Variants in SLC24A2 observed in about 807,000 individuals in gnomAD.
SLC24A2 encodes solute carrier family 24 member 2, also known as sodium/potassium/calcium exchanger 2.
SLC24A2 carries 36 observed loss-of-function variants against 62.0 expected under a neutral mutation model. The observed-to-expected ratio is 0.58, with a 90% CI of 0.44 to 0.77. The LOEUF is 0.77. Among genes scored for constraint, SLC24A2 ranks in the 30% least tolerant of loss-of-function variants. The pLI, the probability that SLC24A2 is intolerant of heterozygous loss-of-function variation, is 0.00. For missense variants in SLC24A2, 846 were observed against 817.9 expected (o/e 1.03, Z -0.42); for synonymous variants, 358 against 294.0 (o/e 1.22, Z -2.23).
chr9:20,000,706 C>G, the SLC24A2 span, among the ~76,000 whole-genome samples: 2 of 152,076 alleles, frequency 1.3e-5, no homozygotes, highest in South Asian at 4.2e-4. Flanking sequence ...TTTTAAGGCT[C>G]TGATTTTGAA....
At chr9:19,656,608 T>C (rs1003791347) in intron 2 of SLC24A2, among the ~76,000 whole-genome samples, 2 of 152,208 alleles carry the variant, frequency 1.3e-5, no homozygotes, top group Non-Finnish European at 2.9e-5. Context: ...AATTCCTATG[T>C]TTTTATCCCC....
intron 2 of SLC24A2, among the ~76,000 whole-genome samples, chr9:19,772,221 C>T (rs1443156484): frequency 1.3e-5 from 2 of 152,290 alleles, no homozygotes; most frequent in East Asian, 3.9e-4. Context: ...TCAGGAAGTC[C>T]TGGGCCCCAA....
At chr9:20,235,634 C>G in the SLC24A2 span, among the ~76,000 whole-genome samples, 1 of 152,210 alleles carries the variant, frequency 6.6e-6, no homozygotes, top group South Asian at 2.1e-4. Flanking sequence ...TCTGTCACCC[C>G]TTTCTTTTAC....
chr9:20,224,409 C>T, the SLC24A2 span, among the ~76,000 whole-genome samples: 1 of 151,784 alleles, frequency 6.6e-6, no homozygotes, highest in Non-Finnish European at 1.5e-5. Context: ...CCAATCATAA[C>T]CATAAGTTTG....
chr9:20,257,264 T>G, the SLC24A2 span, among the ~76,000 whole-genome samples: 1 of 152,180 alleles, frequency 6.6e-6, no homozygotes, highest in African/African-American at 2.4e-5. Flanking sequence ...TAAAAAATAT[T>G]TTTTAAGGCT....
At chr9:20,079,374 T>A in the SLC24A2 span, among the ~76,000 whole-genome samples, 2 of 152,212 alleles carry the variant, frequency 1.3e-5, no homozygotes, top group African/African-American at 4.8e-5. Flanking sequence ...AATGTAAACA[T>A]ACACAGTTTT....
intron 2 of SLC24A2, among the ~76,000 whole-genome samples, chr9:19,780,336 T>C (rs973481334): frequency 1.3e-5 from 2 of 151,146 alleles, no homozygotes; most frequent in African/African-American, 4.8e-5. Flanking sequence ...GGCACGATCT[T>C]GGCTCACTGC....
At chr9:20,267,230 C>G in the SLC24A2 span, among the ~76,000 whole-genome samples, 1 of 152,184 alleles carries the variant, frequency 6.6e-6, no homozygotes, top group South Asian at 2.1e-4. Flanking sequence ...TCTTTAATCA[C>G]AAAGATATTT....
chr9:20,050,193 T>C, the SLC24A2 span, among the ~76,000 whole-genome samples: 3 of 87,584 alleles, frequency 3.4e-5, no homozygotes, highest in African/African-American at 1.4e-4. Flanking sequence ...CAGTGTAAAA[T>C]AAATGAAACC....
chr9:19,741,551 T>C (rs1821679043), intron 2 of SLC24A2, among the ~76,000 whole-genome samples: 1 of 152,188 alleles, frequency 6.6e-6, no homozygotes, highest in African/African-American at 2.4e-5. Flanking sequence ...CTTTTCTCTT[T>C]GACCCTCCAG....
chr9:19,542,908 G>A (rs1317715652), intron 8 of SLC24A2, among the ~76,000 whole-genome samples: 3 of 152,064 alleles, frequency 2.0e-5, no homozygotes, highest in African/African-American at 7.2e-5. Flanking sequence ...TTTTTTTGTT[G>A]TGTCTCTGGC....
At chr9:19,662,300 C>T (rs1819124209) in intron 2 of SLC24A2, among the ~76,000 whole-genome samples, 1 of 152,106 alleles carries the variant, frequency 6.6e-6, no homozygotes, top group Admixed American at 6.5e-5. Context: ...TTTCTGAAAA[C>T]CAGAGTGTGT....
chr9:19,791,149 G>T (rs1482544763), upstream of SLC24A2, among the ~76,000 whole-genome samples: 1 of 152,176 alleles, frequency 6.6e-6, no homozygotes, highest in Admixed American at 6.5e-5. Flanking sequence ...ATGCTATCTG[G>T]GAACCCAGAT....
intron 4 of SLC24A2, among the ~76,000 whole-genome samples, chr9:19,604,757 C>T (rs1836936405): frequency 6.6e-6 from 1 of 152,140 alleles, no homozygotes; most frequent in Non-Finnish European, 1.5e-5. Flanking sequence ...GACTGGAAGA[C>T]ATAAAATTAA....
At chr9:20,200,907 G>A in the SLC24A2 span, among the ~76,000 whole-genome samples, 9 of 152,188 alleles carry the variant, frequency 5.9e-5, no homozygotes, top group Non-Finnish European at 8.8e-5. Context: ...CACAAGTGTG[G>A]TAGTTTTGTT....
At chr9:19,772,372 A>G (rs1041901763) in intron 2 of SLC24A2, among the ~76,000 whole-genome samples, 3 of 152,232 alleles carry the variant, frequency 2.0e-5, no homozygotes, top group African/African-American at 4.8e-5. Flanking sequence ...AAAACAAGAT[A>G]GAACAGCTTG....
At chr9:19,707,467 ACC>A (rs1820567586) in intron 2 of SLC24A2, among the ~76,000 whole-genome samples, 1 of 152,220 alleles carries the variant, frequency 6.6e-6, no homozygotes, top group Non-Finnish European at 1.5e-5. Flanking sequence ...AGAATTTTAG[ACC>A]AGTATCCTTG....
At chr9:20,069,726 T>C in the SLC24A2 span, among the ~76,000 whole-genome samples, 1 of 152,258 alleles carries the variant, frequency 6.6e-6, no homozygotes, top group Non-Finnish European at 1.5e-5. Context: ...AACGGCACTA[T>C]GCTGTTCGCA....
the SLC24A2 span, among the ~76,000 whole-genome samples, chr9:19,844,225 G>T: frequency 6.6e-5 from 10 of 152,144 alleles, no homozygotes; most frequent in African/African-American, 2.4e-4. Context: ...ATTCTGATTG[G>T]AGTGAGATGG....
Sources: gnomAD v4.1 joint callset for allele counts (sites outside exome capture counted in the v4.1 genomes callset) on GRCh38, gnomAD v4.1.1 for gene constraint, MANE v1.5 for transcripts, NCBI Gene and HGNC (gene_info 2026-07-23, HGNC 2026-07-21) for gene names.